The following EIF3E variants were observed in gnomAD, a reference collection of about 807,000 sequenced individuals.
EIF3E encodes eIF-3 p48.
A neutral mutation model predicts 59.3 loss-of-function variants in EIF3E; 25 were observed. The ratio of observed to expected loss-of-function variants is 0.42; its 90% CI spans 0.31 to 0.59. EIF3E has a LOEUF of 0.59. Ranked by LOEUF, EIF3E falls within the 20% of genes least tolerant of loss-of-function variation. The pLI is 0.15. For synonymous variants in EIF3E, 176 were observed against 170.2 expected (o/e 1.03, Z -0.26); for missense variants, 317 against 534.3 (o/e 0.59, Z 4.01).
At chr8:108,209,325 G>T (rs935310314) in intron 10 of EIF3E, among the ~76,000 whole-genome samples, 1 of 151,878 alleles carries the variant, frequency 6.6e-6, no homozygotes, top group Non-Finnish European at 1.5e-5. Context: ...TCTATTTTGG[G>T]GCTTAAAGAT....
At chr8:108,205,655 C>A (rs764938459) in intron 10 of EIF3E, among the ~76,000 whole-genome samples, 3 of 152,138 alleles carry the variant, frequency 2.0e-5, no homozygotes, top group Non-Finnish European at 4.4e-5. Context: ...TACTGTCTCA[C>A]CTAGGACTTG....
rs527390061 is a variant in EIF3E, at chr8:108,240,686, G to A, written c.206-611C>T. Reference sequence around the variant, plus strand: ...TGGTAACACCTTAATGTTTCATTAAGAAACTAAGAAATAGGCCAGGGGCAA... The same window carrying A: ...TGGTAACACCTTAATGTTTCATTAAAAAACTAAGAAATAGGCCAGGGGCAA... On this transcript the variant is annotated intron_variant, in intron 2 of 12. Coordinates refer to ENST00000220849, the MANE Select transcript of EIF3E (RefSeq NM_001568.3). Among the ~76,000 whole-genome samples the A allele has an allele frequency of 1.6e-4, 24 of 152,284 alleles. No individual in the cohort carries two copies. The East Asian group carries it at 4.0e-3, about 26-fold the overall frequency.
At chr8:108,233,297 A>C (rs1022022380) in intron 5 of EIF3E, 1 of 152,178 alleles carries the variant, frequency 6.6e-6, no homozygotes, top group African/African-American at 2.4e-5. Flanking sequence ...GAAGTTGTCT[A>C]TGCAATTTAA....
At chr8:108,229,314 A>G in intron 5 of EIF3E, 119 bp from the exon 6 acceptor site, 1 of 1,017,230 alleles carries the variant, frequency 9.8e-7, no homozygotes, top group Admixed American at 3.2e-5. Context: ...TCTACAAAAA[A>G]CTGTAATTAT....
At chr8:108,206,662 G>A (rs909179597) in intron 10 of EIF3E, among the ~76,000 whole-genome samples, 1 of 151,424 alleles carries the variant, frequency 6.6e-6, no homozygotes, top group Non-Finnish European at 1.5e-5. Context: ...ACGCACGCAC[G>A]TACAGTGGCC....
At chr8:108,203,215 A>G in intron 11 of EIF3E, 98 bp from the exon 12 acceptor site, 1 of 915,324 alleles carries the variant, frequency 1.1e-6, no homozygotes, top group African/African-American at 1.6e-5. Flanking sequence ...ATTTTAATGC[A>G]CTGTATAGAG....
At chr8:108,228,967 AT>A (rs375572478) in intron 6 of EIF3E, 102 bp downstream of exon 6, 23,808 of 1,000,562 alleles carry the variant, frequency 0.024, 132 homozygotes, top group African/African-American at 0.069. Flanking sequence ...GCTAATATGA[AT>A]TTTTTTTTTT....
chr8:108,228,121 T>C, intron 7 of EIF3E, 146 bp downstream of exon 7: 1 of 868,456 alleles, frequency 1.2e-6, no homozygotes, highest in Non-Finnish European at 1.7e-6. Context: ...TGCATACTTT[T>C]CAGTAACAAG....
chr8:108,208,100 C>A (rs755231467), intron 10 of EIF3E, among the ~76,000 whole-genome samples: 1 of 152,094 alleles, frequency 6.6e-6, no homozygotes, highest in Non-Finnish European at 1.5e-5. Flanking sequence ...TTCAAATGGT[C>A]TTACTTTTCT....
intron 2 of EIF3E, 78 bp downstream of exon 2, chr8:108,241,721 T>G (rs1318241569): frequency 1.3e-6 from 1 of 795,942 alleles, no homozygotes; most frequent in African/African-American, 1.8e-5. Context: ...TGGCTAAAGC[T>G]GTCTTATAAA....
Position 108,203,051 on chromosome 8 carries a change from G to A in EIF3E, c.1231C>T (p.Leu411Phe), listed in dbSNP as rs1278231088. The change falls in exon 12 of 13, where the codon CTT (leucine) becomes TTT (phenylalanine). Residue 411 changes from leucine (L) to phenylalanine (F), a missense_variant. This residue lies in a region of EIF3E where 45 missense variants were observed against 97.8 expected (regional missense o/e 0.46). Transcript: ENST00000220849. ...GCCAACATCTGGCTTCTAAAGGAAA[G>A]GCTTTTGGTCTTTTCAATCACTTGC... Reference protein sequence around the residue: ...YQQVIEKTKSLSFRSQMLAMN... With the variant: ...YQQVIEKTKSFSFRSQMLAMN... 6.2e-7 allele frequency: 1 copy of A among 1,612,706 alleles called. No individual in the cohort carries two copies. The highest frequency in any genetic ancestry group is 8.5e-7 in the Non-Finnish European group (1 of 1,179,162).
chr8:108,247,422 AAAG>A (rs1251122698), intron 1 of EIF3E, among the ~76,000 whole-genome samples: 2 of 152,224 alleles, frequency 1.3e-5, no homozygotes, highest in Non-Finnish European at 2.9e-5. Flanking sequence ...ACAGGTGTAA[AAAG>A]AAGAATCAAA....
At position 108,239,959 on chromosome 8, in the gene EIF3E, T is replaced by C; in HGVS notation, c.322A>G (p.Arg108Gly). 1 of 1,610,774 alleles carries C rather than the reference T, an allele frequency of 6.2e-7. No homozygotes were observed. Among genetic ancestry groups the C allele is most frequent in the Non-Finnish European group, 8.5e-7 (1 of 1,177,124 alleles). The change falls in exon 3 of 13, where the codon AGG becomes GGG. Residue 108 changes from arginine to glycine, a missense_variant and splice_region_variant. Coordinates refer to ENST00000220849, the MANE Select transcript of EIF3E (RefSeq NM_001568.3). The part of the protein sequence containing the change: ...PETTRQMQST[R>G]DGRMLFDYLA... The stretch of plus-strand genomic sequence containing the variant: ...AATTCAAAATTAAGACGAGTTTACC[T>C]GGTTGACTGCATTTGCCTTGTAGTT...
At chr8:108,236,229 A>G (rs986898312) in intron 3 of EIF3E, 26 bp from the exon 4 acceptor site, 13 of 1,593,826 alleles carry the variant, frequency 8.2e-6, no homozygotes, top group Non-Finnish European at 1.1e-5. Context: ...CAAAAATTAC[A>G]TTATTTTAAA....
At chr8:108,233,877 T>C (rs942447174) in intron 5 of EIF3E, among the ~76,000 whole-genome samples, 1 of 148,908 alleles carries the variant, frequency 6.7e-6, no homozygotes, top group Non-Finnish European at 1.5e-5. Flanking sequence ...TCTTAGACTT[T>C]AAGTACCTAC....
intron 1 of EIF3E, among the ~76,000 whole-genome samples, chr8:108,246,209 T>C (rs1181476924): frequency 6.6e-6 from 1 of 151,278 alleles, no homozygotes; most frequent in African/African-American, 2.4e-5. Flanking sequence ...AATTGCTAAT[T>C]TCTGGAATTT....
At chr8:108,245,527 G>A (rs904320768) in intron 1 of EIF3E, among the ~76,000 whole-genome samples, 2 of 152,164 alleles carry the variant, frequency 1.3e-5, no homozygotes, top group African/African-American at 4.8e-5. Flanking sequence ...TGTTTTATAT[G>A]CATTATCTCA....
intron 7 of EIF3E, 128 bp from the exon 8 acceptor site, chr8:108,217,588 A>C: frequency 1.5e-6 from 1 of 689,594 alleles, no homozygotes; most frequent in Non-Finnish European, 2.2e-6. Context: ...GAGTATTATA[A>C]GAAAATCTCC....
At position 108,234,988 on chromosome 8, in the gene EIF3E, T is replaced by G; in HGVS notation, c.471+10A>C. 1 of 1,414,592 alleles carries G rather than the reference T, an allele frequency of 7.1e-7. No homozygotes were observed. The allele number at this position is 1,414,592 out of a possible 1,614,324, so 87.6% of individuals were successfully genotyped here. On this transcript the variant is annotated intron_variant, in intron 5 of 12. Transcript: ENST00000220849. The stretch of plus-strand genomic sequence containing the variant: ...AAAAAAAAAAAAAAAAAACATGTAC[T>G]TATACTTACCAGCACTCTAAAAAAA...
Sources: allele counts gnomAD v4.1 joint callset (sites outside exome capture counted in the v4.1 genomes callset), GRCh38; gene constraint gnomAD v4.1.1; regional missense constraint gnomAD v4.1.1; transcripts MANE v1.5; gene names NCBI Gene and HGNC (gene_info 2026-07-23, HGNC 2026-07-21).